ZC3H7A: variants seen among roughly 807,000 people sequenced by gnomAD.
ZC3H7A encodes the protein zinc finger CCCH domain-containing protein 7A.
ZC3H7A carries 44 observed loss-of-function variants against 125.5 expected under a neutral mutation model. The ratio of observed to expected loss-of-function variants is 0.35; its 90% confidence interval spans 0.28 to 0.45. The LOEUF (loss-of-function observed/expected upper bound fraction) is 0.45, where lower values mean the gene tolerates loss of function less well. Ranked by LOEUF, ZC3H7A falls within the 20% of genes least tolerant of loss-of-function variation. ZC3H7A has a pLI of 1.00. For synonymous variants in ZC3H7A, 399 were observed against 391.2 expected (o/e 1.02, Z -0.23); for missense variants, 977 against 1,170.7 (o/e 0.83, Z 2.41).
At chr16:11,793,908 C>A (rs139605642) in intron 1 of ZC3H7A, among the ~76,000 whole-genome samples, 2 of 152,156 alleles carry the variant, frequency 1.3e-5, no homozygotes, top group Non-Finnish European at 2.9e-5. Context: ...TTCTTCCCCC[C>A]ACAGGAACTA....
In ZC3H7A at chr16:11,785,270, T is replaced by A. The variant is rs547268659; in HGVS notation, c.-34-2882A>T. Among the ~76,000 whole-genome samples, 25 of 151,580 alleles carry A rather than the reference T, an allele frequency of 1.6e-4. No individual in the cohort carries two copies. In the South Asian group the frequency reaches 3.1e-3, roughly 19 times the overall value. On this transcript the variant is annotated intron_variant, in intron 1 of 22. Transcript: ENST00000355758. ...GGGAGGACTGATAGAGCCTGTGAGG[T>A]CGAGGTTGCAGTGAGCTACAATCAT...
chr16:11,756,324 T>G lies in ZC3H7A; in HGVS notation c.2475A>C (p.Lys825Asn). Residue 825 changes from lysine (K) to asparagine (N), a missense_variant, in exon 21 of 23, where the codon AAA becomes AAC. Lys to Asn is a moderately conservative substitution (Grantham distance 94, BLOSUM62 0). This residue lies in a region of ZC3H7A where 436 missense variants were observed against 603.2 expected (regional missense o/e 0.72). Coordinates refer to ENST00000355758, the MANE Select transcript of ZC3H7A (RefSeq NM_014153.4). ...TGGCTATGTCTTCACTTTTTTCATT[T>G]TTTTGACTCTTGAGCCATAGTTCGT... is the stretch of plus-strand genomic sequence containing the variant. ...QFYELWLKSQ[K>N]NEKSEDIASQ... 6.2e-7 allele frequency: 1 copy of G among 1,614,132 alleles called. No homozygotes were observed. The highest frequency in any genetic ancestry group is 8.5e-7 in the Non-Finnish European group (1 of 1,180,016).
chr16:11,761,261 G>T, intron 19 of ZC3H7A, 145 bp downstream of exon 19: 1 of 765,370 alleles, frequency 1.3e-6, no homozygotes, highest in East Asian at 2.5e-5. Flanking sequence ...CTAAAGGGAA[G>T]GAAAACCAAA....
chr16:11,779,160 A>G lies in ZC3H7A; in HGVS notation c.306+6T>C, dbSNP rs762781580. The G allele has an allele frequency of 2.5e-6, 4 of 1,578,620 alleles. No homozygotes were observed. The highest frequency in any genetic ancestry group is 1.8e-5 in the Admixed American group (1 of 57,032). On this transcript the variant is annotated splice_donor_region_variant and intron_variant, in intron 4 of 22. Coordinates refer to ENST00000355758, the MANE Select transcript of ZC3H7A (RefSeq NM_014153.4). ...TAGAAACATCATTTTAAAAATTACA[A>G]CTCACCATATTAGAATAGCAGGCAA...
intron 13 of ZC3H7A, among the ~76,000 whole-genome samples, chr16:11,767,057 C>T (rs562395328): frequency 7.9e-5 from 12 of 152,106 alleles, no homozygotes; most frequent in Non-Finnish European, 1.5e-4. Context: ...CAAGCACAGT[C>T]CTACACCACA....
chr16:11,779,961 T>C (rs1182028669), intron 3 of ZC3H7A, among the ~76,000 whole-genome samples: 1 of 152,146 alleles, frequency 6.6e-6, no homozygotes, highest in African/African-American at 2.4e-5. Flanking sequence ...ACCCCTTGTA[T>C]TTCTTTTTCT....
rs564043805 is a variant in ZC3H7A, at chr16:11,769,620, A to C, written c.1109-525T>G. Among the ~76,000 whole-genome samples, 58 of 144,734 alleles carry C rather than the reference A, an allele frequency of 4.0e-4. No homozygotes were observed. The South Asian group carries it at 5.2e-3, about 13-fold the overall frequency. 95.0% of individuals were successfully genotyped at this position (144,734 alleles called of 152,430 possible). A position where few individuals can be genotyped will look rare whatever the true frequency, so the allele number is the denominator to read the frequency against. Reference sequence around the variant, plus strand: ...CAGCTACTCAGGAGGCTGAGGCAGGAGAATCGCTTGAACCCAAGAGGCAGA... The same window carrying C: ...CAGCTACTCAGGAGGCTGAGGCAGGCGAATCGCTTGAACCCAAGAGGCAGA... On this transcript the variant is annotated intron_variant, in intron 10 of 22. Coordinates refer to ENST00000355758, the MANE Select transcript of ZC3H7A (RefSeq NM_014153.4).
At chr16:11,763,174 C>T (rs1297942645) in intron 16 of ZC3H7A, 3 of 248,800 alleles carry the variant, frequency 1.2e-5, no homozygotes, top group Non-Finnish European at 2.3e-5. Context: ...GTGTTGTGAT[C>T]CTGGCCCACT....
chr16:11,794,158 T>C (rs2053396660), intron 1 of ZC3H7A, among the ~76,000 whole-genome samples: 3 of 152,192 alleles, frequency 2.0e-5, no homozygotes, highest in Non-Finnish European at 4.4e-5. Context: ...GGGACACTGA[T>C]ACCACCACGA....
intron 8 of ZC3H7A, 48 bp from the exon 9 acceptor site, chr16:11,774,567 T>G (rs769360350): frequency 1.4e-6 from 2 of 1,468,456 alleles, no homozygotes; most frequent in Non-Finnish European, 1.8e-6. Flanking sequence ...CGTACTTACA[T>G]AATAATACCA....
At chr16:11,751,546 G>C in intron 22 of ZC3H7A, 40 bp from the exon 23 acceptor site, 2 of 1,561,242 alleles carry the variant, frequency 1.3e-6, no homozygotes, top group Non-Finnish European at 8.7e-7. Context: ...CATATAAGTT[G>C]TTTCTAAAAA....
At chr16:11,771,969 T>G (rs985867854) in intron 9 of ZC3H7A, among the ~76,000 whole-genome samples, 55 of 151,856 alleles carry the variant, frequency 3.6e-4, no homozygotes, top group African/African-American at 1.3e-3. Flanking sequence ...ATGAGGTGGG[T>G]GGATCACGAG....
chr16:11,778,337 C>T (rs1202099117), intron 4 of ZC3H7A, among the ~76,000 whole-genome samples: 4 of 147,574 alleles, frequency 2.7e-5, no homozygotes, highest in East Asian at 2.2e-4. Context: ...CTCGGGAGGC[C>T]GAGGCAGGAA....
At chr16:11,789,354 A>C (rs1448981568) in intron 1 of ZC3H7A, among the ~76,000 whole-genome samples, 1 of 151,880 alleles carries the variant, frequency 6.6e-6, no homozygotes, top group Non-Finnish European at 1.5e-5. Context: ...TCCTGGGTTC[A>C]AGCAATTCTA....
intron 10 of ZC3H7A, 123 bp from the exon 11 acceptor site, chr16:11,769,218 T>C (rs1567381173): frequency 2.4e-6 from 2 of 818,440 alleles, no homozygotes; most frequent in East Asian, 6.1e-5. Flanking sequence ...TTCTAGAAAT[T>C]TTCTTGCTCA....
intron 15 of ZC3H7A, 115 bp downstream of exon 15, chr16:11,764,938 A>G: frequency 1.5e-6 from 1 of 672,332 alleles, no homozygotes; most frequent in South Asian, 2.2e-5. Context: ...GTTCTTCAAA[A>G]TAACAACATA....
At chr16:11,752,590 T>C in intron 22 of ZC3H7A, 79 bp downstream of exon 22, 1 of 1,520,318 alleles carries the variant, frequency 6.6e-7, no homozygotes, top group Non-Finnish European at 8.9e-7. Flanking sequence ...AACACCCAGG[T>C]ATTCCGTGTC....
At chr16:11,781,818 T>C (rs2053178612) in intron 2 of ZC3H7A, among the ~76,000 whole-genome samples, 1 of 152,118 alleles carries the variant, frequency 6.6e-6, no homozygotes, top group Non-Finnish European at 1.5e-5. Context: ...TACTGCAGTA[T>C]AGAGAGAATG....
At chr16:11,794,050 G>C (rs2053395044) in intron 1 of ZC3H7A, among the ~76,000 whole-genome samples, 1 of 152,210 alleles carries the variant, frequency 6.6e-6, no homozygotes, top group African/African-American at 2.4e-5. Flanking sequence ...CTGCTAAGTG[G>C]TGGTTCCCAG....
Sources: allele counts gnomAD v4.1 joint callset (sites outside exome capture counted in the v4.1 genomes callset), GRCh38; gene constraint gnomAD v4.1.1; regional missense constraint gnomAD v4.1.1; transcripts MANE v1.5; gene names NCBI Gene and HGNC (gene_info 2026-07-23, HGNC 2026-07-21).